BAIAP2L1: variants seen among roughly 807,000 people sequenced by gnomAD.
BAIAP2L1 encodes BAR/IMD domain containing adaptor protein 2 like 1.
In BAIAP2L1, 35 loss-of-function variants were observed where a neutral mutation model predicts 66.3. That is an observed-to-expected ratio of 0.53 (90% CI 0.40 to 0.70). The LOEUF (loss-of-function observed/expected upper bound fraction) is 0.70. Among genes scored for constraint, BAIAP2L1 ranks in the 30% least tolerant of loss-of-function variants. The probability of loss-of-function intolerance (pLI) is 0.00; values close to 1 mark genes in which losing one functional copy is unlikely to be tolerated. For missense variants in BAIAP2L1, 622 were observed against 656.9 expected (o/e 0.95, Z 0.58); for synonymous variants, 269 against 248.7 (o/e 1.08, Z -0.77).
At chr7:98,323,789 C>G (rs930504824) in intron 3 of BAIAP2L1, among the ~76,000 whole-genome samples, 1 of 152,184 alleles carries the variant, frequency 6.6e-6, no homozygotes, top group Non-Finnish European at 1.5e-5. Flanking sequence ...AGCAGCTGGC[C>G]GCCGCGGAGT....
At chr7:98,381,217 A>G (rs1802753285) in intron 1 of BAIAP2L1, among the ~76,000 whole-genome samples, 1 of 152,192 alleles carries the variant, frequency 6.6e-6, no homozygotes, top group Non-Finnish European at 1.5e-5. Context: ...ATGTTTTTCC[A>G]GGCAAAAGTC....
intron 1 of BAIAP2L1, among the ~76,000 whole-genome samples, chr7:98,364,551 A>G (rs1210173753): frequency 6.6e-6 from 1 of 152,158 alleles, no homozygotes; most frequent in African/African-American, 2.4e-5. Flanking sequence ...TGGAGATCAC[A>G]TTCCAAAAAT....
intron 2 of BAIAP2L1, among the ~76,000 whole-genome samples, chr7:98,357,035 ATATATATATATATATTT>A (rs1449635753): frequency 1.2e-4 from 2 of 16,604 alleles, no homozygotes; most frequent in South Asian, 3.9e-3. Flanking sequence ...ATATATATAT[ATATATATATATATATTT>A]TTTTTTTTTT....
chr7:98,326,067 T>C lies in BAIAP2L1; in HGVS notation c.215-5769A>G, dbSNP rs112826113. The stretch of plus-strand genomic sequence containing the variant: ...GTTTTGGGAGGCCAAGGCAAGAGGA[T>C]TGCTTGAGCCCAGGGGATGGGCCAC... On this transcript the variant is annotated intron_variant, in intron 3 of 13. Coordinates refer to ENST00000005260, the MANE Select transcript of BAIAP2L1 (RefSeq NM_018842.5). Among the ~76,000 whole-genome samples the C allele has an allele frequency of 9.2e-5, 14 of 152,304 alleles. 1 individual carries two copies. In the South Asian group the frequency reaches 1.9e-3, roughly 20 times the overall value.
At chr7:98,328,561 G>A (rs1287506173) in intron 3 of BAIAP2L1, among the ~76,000 whole-genome samples, 1 of 151,832 alleles carries the variant, frequency 6.6e-6, no homozygotes, top group East Asian at 1.9e-4. Context: ...TGGAGCAGAT[G>A]GGTTCAATAA....
intron 3 of BAIAP2L1, among the ~76,000 whole-genome samples, chr7:98,350,138 A>G (rs1336003279): frequency 1.3e-5 from 2 of 151,992 alleles, no homozygotes; most frequent in Non-Finnish European, 1.5e-5. Context: ...GAACATACTG[A>G]CTGGAAAACA....
chr7:98,300,202 T>C (rs1429883098), intron 12 of BAIAP2L1, among the ~76,000 whole-genome samples: 1 of 152,150 alleles, frequency 6.6e-6, no homozygotes, highest in Non-Finnish European at 1.5e-5. Context: ...ACATGCTTGA[T>C]CCATGATCCC....
At chr7:98,397,318 C>CTTTTTT (rs36101597) in intron 1 of BAIAP2L1, among the ~76,000 whole-genome samples, 165 of 74,512 alleles carry the variant, frequency 2.2e-3, no homozygotes, top group African/African-American at 6.0e-3. Flanking sequence ...TTCTTAAGCC[C>CTTTTTT]TTTTTTTTTT....
chr7:98,371,632 T>G (rs1265284883), intron 1 of BAIAP2L1, among the ~76,000 whole-genome samples: 2 of 152,212 alleles, frequency 1.3e-5, no homozygotes, highest in Non-Finnish European at 2.9e-5. Flanking sequence ...TTAACTTCCT[T>G]AGCATATGGA....
chr7:98,383,498 G>A (rs1802811509), intron 1 of BAIAP2L1, among the ~76,000 whole-genome samples: 1 of 151,858 alleles, frequency 6.6e-6, no homozygotes, highest in African/African-American at 2.4e-5. Context: ...TGTTGGTCAG[G>A]CTGGTCTCGA....
intron 3 of BAIAP2L1, among the ~76,000 whole-genome samples, chr7:98,326,094 C>T (rs946081532): frequency 4.6e-5 from 7 of 152,150 alleles, no homozygotes; most frequent in Non-Finnish European, 7.4e-5. Flanking sequence ...ATGGGCCACA[C>T]AGTGAAACCC....
chr7:98,368,247 T>G (rs187600821), intron 1 of BAIAP2L1, among the ~76,000 whole-genome samples: 2 of 151,548 alleles, frequency 1.3e-5, no homozygotes, highest in South Asian at 4.2e-4. Flanking sequence ...GGTGAAACCC[T>G]GTCTCTACTA....
chr7:98,362,048 T>C (rs550353758), intron 2 of BAIAP2L1, among the ~76,000 whole-genome samples: 2 of 152,320 alleles, frequency 1.3e-5, no homozygotes, highest in East Asian at 3.9e-4. Context: ...TGTAGGACCC[T>C]AACTTATAAA....
chr7:98,316,478 T>A (rs1306153736), intron 6 of BAIAP2L1, among the ~76,000 whole-genome samples: 1 of 152,174 alleles, frequency 6.6e-6, no homozygotes. Flanking sequence ...TATACTTAAC[T>A]CAGGGAAACT....
At chr7:98,357,191 G>A (rs1802156688) in intron 2 of BAIAP2L1, among the ~76,000 whole-genome samples, 1 of 148,530 alleles carries the variant, frequency 6.7e-6, no homozygotes, top group Admixed American at 6.8e-5. Context: ...TAATTCATGT[G>A]CAGGTCCAGC....
intron 3 of BAIAP2L1, among the ~76,000 whole-genome samples, chr7:98,346,016 G>A (rs1043025202): frequency 6.6e-6 from 1 of 152,130 alleles, no homozygotes; most frequent in African/African-American, 2.4e-5. Context: ...AATGGGTGAG[G>A]GTTTCTTTTT....
At chr7:98,358,982 T>G (rs955271408) in intron 2 of BAIAP2L1, among the ~76,000 whole-genome samples, 1 of 152,078 alleles carries the variant, frequency 6.6e-6, no homozygotes, top group African/African-American at 2.4e-5. Flanking sequence ...TGCTGGGCAC[T>G]GGGGCTTATA....
chr7:98,337,318 G>A (rs796671227), intron 3 of BAIAP2L1, among the ~76,000 whole-genome samples: 13 of 151,068 alleles, frequency 8.6e-5, no homozygotes, highest in Non-Finnish European at 1.6e-4. Flanking sequence ...TGAAACCTCC[G>A]CCTCCTGGGT....
At chr7:98,390,739 A>C (rs1225375034) in intron 1 of BAIAP2L1, among the ~76,000 whole-genome samples, 2 of 151,740 alleles carry the variant, frequency 1.3e-5, no homozygotes, top group Non-Finnish European at 2.9e-5. Context: ...CTCAAAAAAA[A>C]ACAAAAAACA....
Sources: allele counts gnomAD v4.1 joint callset (sites outside exome capture counted in the v4.1 genomes callset), GRCh38; gene constraint gnomAD v4.1.1; transcripts MANE v1.5; gene names NCBI Gene and HGNC (gene_info 2026-07-23, HGNC 2026-07-21).